KIAA1958: variants seen among roughly 807,000 people sequenced by gnomAD.
KIAA1958 encodes KIAA1958, also known as uncharacterized protein KIAA1958.
Under a neutral mutation model 47.2 loss-of-function variants are expected in KIAA1958, and 14 were observed. The observed-to-expected ratio is 0.30, with a 90% CI of 0.20 to 0.46. The LOEUF (loss-of-function observed/expected upper bound fraction) is 0.46, where lower values mean the gene tolerates loss of function less well. Among genes scored for constraint, KIAA1958 ranks in the 20% least tolerant of loss-of-function variants. The probability of loss-of-function intolerance (pLI) is 1.00; values close to 1 mark genes in which losing one functional copy is unlikely to be tolerated. For missense variants in KIAA1958, 803 were observed against 909.2 expected, an observed-to-expected ratio of 0.88 and a Z score of 1.50; for synonymous variants, 354 against 353.3, an observed-to-expected ratio of 1.00 and a Z score of -0.02.
chr9:112,646,916 A>G (rs1387347141), intron 3 of KIAA1958, among the ~76,000 whole-genome samples: 2 of 152,216 alleles, frequency 1.3e-5, no homozygotes, highest in African/African-American at 4.8e-5. Context: ...GCCAACAAAG[A>G]GTTAGGAATG....
At chr9:112,594,549 A>G (rs1835983622) in intron 2 of KIAA1958, among the ~76,000 whole-genome samples, 2 of 152,224 alleles carry the variant, frequency 1.3e-5, no homozygotes, top group African/African-American at 2.4e-5. Context: ...TATAGTATCT[A>G]TCAGTACTTC....
chr9:112,620,760 A>G (rs1260602070), intron 2 of KIAA1958, among the ~76,000 whole-genome samples: 1 of 152,122 alleles, frequency 6.6e-6, no homozygotes, highest in African/African-American at 2.4e-5. Flanking sequence ...ACTTACATGG[A>G]TCACATATGT....
chr9:112,526,257 AT>A (rs11326472), intron 1 of KIAA1958, among the ~76,000 whole-genome samples: 143,639 of 150,530 alleles, frequency 0.95, 68,600 homozygotes, highest in African/African-American at 0.99. Flanking sequence ...AAACTGGGTA[AT>A]TTTTTTTTTT....
At position 112,513,480 on chromosome 9, in the gene KIAA1958, C is replaced by CGATGGCTTAGGGAGCCCGTCCGGCCAT. The variant is rs1208290232; in HGVS notation, c.-25+26363_-25+26364insATGGCTTAGGGAGCCCGTCCGGCCATG. ...GGTCGAAGGCGCCGCGGGCTGGGGT[C>CGATGGCTTAGGGAGCCCGTCCGGCCAT]GGTGGCCGCGGCTGGTGGTTGGCGC... On this transcript the variant is annotated intron_variant, in intron 1 of 3. Transcript: ENST00000337530. Among the ~76,000 whole-genome samples the CGATGGCTTAGGGAGCCCGTCCGGCCAT allele has an allele frequency of 6.1e-3, 351 of 58,002 alleles. 5 individuals are homozygous for CGATGGCTTAGGGAGCCCGTCCGGCCAT. The highest frequency in any genetic ancestry group is 0.031 in the South Asian group (41 of 1,336). 38.1% of individuals were successfully genotyped at this position (58,002 alleles called of 152,430 possible).
At chr9:112,506,837 G>A (rs750878136) in intron 1 of KIAA1958, among the ~76,000 whole-genome samples, 12 of 152,026 alleles carry the variant, frequency 7.9e-5, no homozygotes, top group Non-Finnish European at 1.6e-4. Flanking sequence ...GTTTCTGTGG[G>A]CACATTAATT....
At chr9:112,506,442 C>T (rs370696449) in intron 1 of KIAA1958, among the ~76,000 whole-genome samples, 19 of 152,078 alleles carry the variant, frequency 1.2e-4, no homozygotes, top group African/African-American at 4.1e-4. Flanking sequence ...GGTGACAGAG[C>T]GAGACTCTGT....
chr9:112,622,084 T>A (rs756174343), intron 2 of KIAA1958, among the ~76,000 whole-genome samples: 1 of 152,252 alleles, frequency 6.6e-6, no homozygotes, highest in Non-Finnish European at 1.5e-5. Context: ...ATCTAAATGA[T>A]ACTGAGAAGA....
chr9:112,578,091 A>G (rs1412907950), intron 2 of KIAA1958, among the ~76,000 whole-genome samples: 3 of 152,168 alleles, frequency 2.0e-5, no homozygotes, highest in Admixed American at 6.5e-5. Context: ...CTTTAGAGAT[A>G]TACTGTTTGA....
At chr9:112,605,817 C>T (rs1836223856) in intron 2 of KIAA1958, among the ~76,000 whole-genome samples, 1 of 152,176 alleles carries the variant, frequency 6.6e-6, no homozygotes, top group Admixed American at 6.5e-5. Context: ...ATTTTTAGGT[C>T]TTAACTAAAA....
At chr9:112,589,389 G>A (rs765396089) in intron 2 of KIAA1958, among the ~76,000 whole-genome samples, 15 of 152,142 alleles carry the variant, frequency 9.9e-5, no homozygotes, top group Non-Finnish European at 2.2e-4. Flanking sequence ...CTGAGGTCAG[G>A]AGTTCAAGAC....
chr9:112,604,833 A>G (rs1367943572), intron 2 of KIAA1958, among the ~76,000 whole-genome samples: 1 of 150,952 alleles, frequency 6.6e-6, no homozygotes, highest in East Asian at 1.9e-4. Context: ...AGTACTCTGG[A>G]TTCACAGATG....
chr9:112,652,124 G>A (rs972316262), intron 3 of KIAA1958, among the ~76,000 whole-genome samples: 6 of 151,142 alleles, frequency 4.0e-5, no homozygotes, highest in East Asian at 2.0e-4. Flanking sequence ...CCTTGGCCTC[G>A]CAAAGTGCTG....
chr9:112,586,865 A>G (rs1588029445), intron 2 of KIAA1958, among the ~76,000 whole-genome samples: 1 of 152,158 alleles, frequency 6.6e-6, no homozygotes, highest in South Asian at 2.1e-4. Flanking sequence ...ATAATGTACA[A>G]CCTCAGGTCA....
intron 3 of KIAA1958, among the ~76,000 whole-genome samples, chr9:112,653,658 T>C (rs1837098473): frequency 6.6e-6 from 1 of 152,160 alleles, no homozygotes; most frequent in African/African-American, 2.4e-5. Flanking sequence ...TCCAACACTT[T>C]GGGAGGCCAA....
At chr9:112,559,781 G>C (rs962179569) in intron 1 of KIAA1958, among the ~76,000 whole-genome samples, 1 of 152,190 alleles carries the variant, frequency 6.6e-6, no homozygotes, top group Admixed American at 6.5e-5. Context: ...AGAATTTTCA[G>C]ATTTTCTATT....
chr9:112,599,767 T>G (rs1836097832), intron 2 of KIAA1958, among the ~76,000 whole-genome samples: 1 of 152,206 alleles, frequency 6.6e-6, no homozygotes, highest in Non-Finnish European at 1.5e-5. Context: ...ATATGATGTC[T>G]TGTATATCAA....
At chr9:112,642,160 CACT>C (rs1836900935) in intron 2 of KIAA1958, among the ~76,000 whole-genome samples, 1 of 152,168 alleles carries the variant, frequency 6.6e-6, no homozygotes, top group Non-Finnish European at 1.5e-5. Context: ...TGTCTGATAA[CACT>C]TGGATTGAGC....
chr9:112,574,317 T>C lies in KIAA1958; in HGVS notation c.237T>C (p.Ser79=). ...QERVCFQDNR[S]FNSDSPSIIG... is the part of the protein sequence containing the mutation. ...GGGTCTGTTTCCAGGATAACAGAAG[T>C]TTTAACTCTGATAGTCCCAGTATAA... The change falls in exon 2 of 4, where the codon AGT becomes AGC. Residue 79 remains serine, a synonymous_variant. Transcript: ENST00000337530. The C allele has an allele frequency of 1.2e-6, 2 of 1,614,018 alleles. No individual in the cohort carries two copies. The highest frequency in any genetic ancestry group is 1.7e-6 in the Non-Finnish European group (2 of 1,179,986).
intron 2 of KIAA1958, among the ~76,000 whole-genome samples, chr9:112,611,665 T>A (rs1486172051): frequency 6.6e-6 from 1 of 152,134 alleles, no homozygotes; most frequent in African/African-American, 2.4e-5. Context: ...CAGGTTTTCC[T>A]AAACTTAGTA....
Sources: allele counts gnomAD v4.1 joint callset (sites outside exome capture counted in the v4.1 genomes callset), GRCh38; gene constraint gnomAD v4.1.1; transcripts MANE v1.5; gene names NCBI Gene and HGNC (gene_info 2026-07-23, HGNC 2026-07-21).